Variants in SMAP2 observed in about 807,000 individuals in gnomAD.
SMAP2 encodes stromal membrane-associated protein 2.
A neutral mutation model predicts 56.4 loss-of-function variants in SMAP2; 25 were observed. That is an observed-to-expected ratio of 0.44 (90% CI 0.32 to 0.62). The LOEUF is 0.62. Ranked by LOEUF, SMAP2 falls within the 20% of genes least tolerant of loss-of-function variation. The pLI is 0.04. For missense variants in SMAP2, 388 were observed against 545.6 expected, an observed-to-expected ratio of 0.71 and a Z score of 2.88; for synonymous variants, 157 against 181.7, an observed-to-expected ratio of 0.86 and a Z score of 1.09.
At chr1:40,378,183 G>C (rs932794376) in intron 1 of SMAP2, among the ~76,000 whole-genome samples, 2 of 152,112 alleles carry the variant, frequency 1.3e-5, no homozygotes, top group African/African-American at 4.8e-5. Context: ...GGAGTGCAGT[G>C]GTGCGATTAT....
upstream of SMAP2, among the ~76,000 whole-genome samples, chr1:40,372,435 C>G (rs1387937276): frequency 1.3e-5 from 2 of 152,058 alleles, no homozygotes; most frequent in Admixed American, 6.5e-5. Flanking sequence ...TGCCACCACA[C>G]CCAGTAACTA....
chr1:40,374,294 G>C lies in SMAP2; in HGVS notation c.103+71G>C. ...TGGTGGGGGTGGGCTGCGTGAAGAG[G>C]CGGTTTCTGAAGCTTAGGCCGCCCA... On this transcript the variant is annotated intron_variant, in intron 1 of 9. Coordinates refer to ENST00000372718, the MANE Select transcript of SMAP2 (RefSeq NM_022733.3). The surrounding 1 kb of genome is among the most constrained non-coding windows in gnomAD (Gnocchi z 5.9). The C allele has an allele frequency of 7.4e-7, 1 of 1,355,818 alleles. No individual in the cohort carries two copies. The highest frequency in any genetic ancestry group is 1.0e-6 in the Non-Finnish European group (1 of 965,650). The allele number at this position is 1,355,818 out of a possible 1,614,324, so 84.0% of individuals were successfully genotyped here.
At chr1:40,419,214 C>A (rs1466063870) in intron 9 of SMAP2, among the ~76,000 whole-genome samples, 5 of 151,506 alleles carry the variant, frequency 3.3e-5, no homozygotes, top group African/African-American at 1.2e-4. Context: ...AAAAGTATTA[C>A]TATGAAGGTA....
At chr1:40,398,540 C>T (rs572521922) in intron 1 of SMAP2, among the ~76,000 whole-genome samples, 2 of 152,286 alleles carry the variant, frequency 1.3e-5, no homozygotes, top group South Asian at 4.1e-4. Flanking sequence ...ACCATAATTC[C>T]TTAATGTAAC....
intron 2 of SMAP2, among the ~76,000 whole-genome samples, chr1:40,367,903 T>C (rs1256655262): frequency 3.2e-5 from 4 of 124,236 alleles, no homozygotes; most frequent in Admixed American, 2.5e-4. Context: ...AAAAAATCAG[T>C]GAATCCAGGA....
intron 7 of SMAP2, among the ~76,000 whole-genome samples, chr1:40,415,831 A>G (rs1363133331): frequency 1.3e-5 from 2 of 152,228 alleles, no homozygotes; most frequent in Non-Finnish European, 2.9e-5. Context: ...GAAATTTTAC[A>G]GATGTGGAGA....
At chr1:40,358,612 T>C (rs978908045) in intron 1 of SMAP2, among the ~76,000 whole-genome samples, 5 of 152,184 alleles carry the variant, frequency 3.3e-5, no homozygotes, top group Admixed American at 2.6e-4. Flanking sequence ...GCACCTGGTC[T>C]TGAATTTTTA....
intron 1 of SMAP2, chr1:40,375,790 G>A: frequency 1.0e-6 from 1 of 982,682 alleles, no homozygotes; most frequent in Non-Finnish European, 1.2e-6. Context: ...GAGCATTGCT[G>A]CATTTGGAGA....
chr1:40,349,171 A>G lies in SMAP2; in HGVS notation c.-83+4261A>G, dbSNP rs150563971. 3.1e-3 allele frequency among the ~76,000 whole-genome samples: 472 copies of G among 152,118 alleles called. 1 individual carries two copies. The highest frequency in any genetic ancestry group is 0.011 in the African/African-American group (452 of 41,512). On this transcript the variant is annotated intron_variant, in intron 1 of 6. Transcript: ENST00000435168. ...TTCTCTCACAATTTCATTTCTGTGA[A>G]TTTTTCTTAGATTATTCTTTTTGCT...
Position 40,374,624 on chromosome 1 carries a change from T to TGTGTGTGTGTGTGA in SMAP2, c.103+402_103+403insTGTGTGTGTGTGAG. On this transcript the variant is annotated intron_variant, in intron 1 of 9. Transcript: ENST00000372718. This position sits in a 1 kb window ranked among gnomAD's most constrained non-coding sequence, Gnocchi z 5.9. The stretch of plus-strand genomic sequence containing the variant: ...GTGTGTGTGTGTGTGTGTGTGTGTG[T>TGTGTGTGTGTGTGA]GAGAGAGAGAGAGAGAGAATGACGA... 2 of 830,776 alleles carry TGTGTGTGTGTGTGA rather than the reference T, an allele frequency of 2.4e-6. No individual in the cohort carries two copies. The highest frequency in any genetic ancestry group is 3.8e-6 in the Non-Finnish European group (2 of 528,978). The allele number at this position is 830,776 out of a possible 1,614,324, so 51.5% of individuals were successfully genotyped here. A position where few individuals can be genotyped will look rare whatever the true frequency, so the allele number is the denominator to read the frequency against.
chr1:40,350,202 C>T (rs1391569276), intron 1 of SMAP2, among the ~76,000 whole-genome samples: 3 of 152,122 alleles, frequency 2.0e-5, no homozygotes, highest in Non-Finnish European at 2.9e-5. Flanking sequence ...CCAGGTGAGC[C>T]AACAGAGAGG....
At position 40,374,003 on chromosome 1, in the gene SMAP2, TC is replaced by T; in HGVS notation, c.-114del. 2 of 734,234 alleles carry T rather than the reference TC, an allele frequency of 2.7e-6. No individual in the cohort carries two copies. Among genetic ancestry groups the T allele is most frequent in the Non-Finnish European group, 4.6e-6 (2 of 433,308 alleles). The allele number at this position is 734,234 out of a possible 1,614,324, so 45.5% of individuals were successfully genotyped here. A position where few individuals can be genotyped will look rare whatever the true frequency, so the allele number is the denominator to read the frequency against. Reference sequence around the variant, plus strand: ...CCGGCGGGGCCGGAGGAGAGGGCTCTCCCCGCTCAGGAGGTGCCCCTGGGCG... The same window carrying T: ...CCGGCGGGGCCGGAGGAGAGGGCTCTCCCGCTCAGGAGGTGCCCCTGGGCG... On this transcript the variant is annotated 5_prime_UTR_variant, in exon 1 of 10. Transcript: ENST00000372718. This position sits in a 1 kb window ranked among gnomAD's most constrained non-coding sequence, Gnocchi z 5.9.
chr1:40,398,266 T>C (rs574459911), intron 1 of SMAP2, among the ~76,000 whole-genome samples: 1 of 152,254 alleles, frequency 6.6e-6, no homozygotes, highest in African/African-American at 2.4e-5. Flanking sequence ...TCTCACTCTG[T>C]TCCCTAGGAT....
intron 1 of SMAP2, among the ~76,000 whole-genome samples, chr1:40,391,748 C>T (rs1276440567): frequency 6.6e-6 from 1 of 152,152 alleles, no homozygotes; most frequent in Admixed American, 6.5e-5. Flanking sequence ...GGCCCTTTCC[C>T]TCCCGCAGTG....
intron 1 of SMAP2, among the ~76,000 whole-genome samples, chr1:40,406,170 G>T (rs1644884346): frequency 6.6e-6 from 1 of 152,138 alleles, no homozygotes; most frequent in Admixed American, 6.5e-5. Context: ...AACGTCTCTT[G>T]GGAGAGGACT....
intron 1 of SMAP2, among the ~76,000 whole-genome samples, chr1:40,391,604 C>T (rs1644717623): frequency 6.6e-6 from 1 of 152,046 alleles, no homozygotes; most frequent in Admixed American, 6.5e-5. Context: ...ATAGTTATCC[C>T]TTCAGCTTCC....
rs556365612 is a variant in SMAP2, at chr1:40,374,370, G to C, written c.103+147G>C. ...GCTGCGCTTGCAGTGAGCCTACTGG[G>C]CTTTCTGCAGCTGGGGGATTGGTAT... is the stretch of plus-strand genomic sequence containing the variant. On this transcript the variant is annotated intron_variant, in intron 1 of 9. Transcript: ENST00000372718. This position sits in a 1 kb window ranked among gnomAD's most constrained non-coding sequence, Gnocchi z 5.9. The C allele has an allele frequency of 2.7e-6, 2 of 730,074 alleles. No homozygotes were observed. The highest frequency in any genetic ancestry group is 5.4e-5 in the East Asian group (2 of 37,144). The allele number at this position is 730,074 out of a possible 1,614,324, so 45.2% of individuals were successfully genotyped here.
In SMAP2 at chr1:40,373,860, A is replaced by G; in HGVS notation, c.-261A>G. 1 of 369,658 alleles carries G rather than the reference A, an allele frequency of 2.7e-6. No individual in the cohort carries two copies. Among genetic ancestry groups the G allele is most frequent in the Non-Finnish European group, 5.0e-6 (1 of 201,518 alleles). The allele number at this position is 369,658 out of a possible 1,614,324, so 22.9% of individuals were successfully genotyped here. A position where few individuals can be genotyped will look rare whatever the true frequency, so the allele number is the denominator to read the frequency against. ...TCGTGGTCCGCCTTTGCCTGGGCTG[A>G]GGGTCTCTGGCCCCGCAGCCTCTCT... is the stretch of plus-strand genomic sequence containing the variant. On this transcript the variant is annotated 5_prime_UTR_variant, in exon 1 of 10. Transcript: ENST00000372718.
chr1:40,395,877 CTGAATTAGTTTTAGACATAGAT>C, intron 1 of SMAP2, among the ~76,000 whole-genome samples: 1 of 152,278 alleles, frequency 6.6e-6, no homozygotes, highest in East Asian at 1.9e-4. Flanking sequence ...AAGTTAACTG[CTGAATTAGTTTTAGACATAGAT>C]TGACTAATCA....
Sources: allele counts gnomAD v4.1 joint callset (sites outside exome capture counted in the v4.1 genomes callset), GRCh38; gene constraint gnomAD v4.1.1; non-coding constraint Gnocchi (gnomAD v3.1); transcripts MANE v1.5; gene names NCBI Gene and HGNC (gene_info 2026-07-23, HGNC 2026-07-21).